RYR2: variants seen among roughly 807,000 people sequenced by gnomAD.
The protein encoded by RYR2 is cardiac muscle ryanodine receptor-calcium release channel.
Under a neutral mutation model 601.1 loss-of-function variants are expected in RYR2, and 227 were observed. The observed-to-expected ratio is 0.38, with a 90% CI of 0.34 to 0.42. The LOEUF (loss-of-function observed/expected upper bound fraction) is 0.42, where lower values mean the gene tolerates loss of function less well. Ranked by LOEUF, RYR2 falls within the 10% of genes least tolerant of loss-of-function variation. The pLI, the probability that RYR2 is intolerant of heterozygous loss-of-function variation, is 1.00. For synonymous variants in RYR2, 2,223 were observed against 2,175.1 expected, an observed-to-expected ratio of 1.02 and a Z score of -0.61; for missense variants, 4,646 against 6,156.5, an observed-to-expected ratio of 0.75 and a Z score of 8.21.
In RYR2 at chr1:237,590,769, G is replaced by A; in HGVS notation, c.3937G>A (p.Val1313Ile). 1 of 1,613,924 alleles carries A rather than the reference G, an allele frequency of 6.2e-7. No individual in the cohort carries two copies. Among genetic ancestry groups the A allele is most frequent in the Non-Finnish European group, 8.5e-7 (1 of 1,179,860 alleles). Residue 1313 changes from valine (V) to isoleucine (I), a missense_variant, in exon 31 of 105, where the codon GTC becomes ATC. Around this residue, in one of 17 missense-constraint regions of RYR2, gnomAD observed 1,807 missense variants for 2,088.1 expected, o/e 0.87. Coordinates refer to ENST00000366574, the MANE Select transcript of RYR2 (RefSeq NM_001035.3). ...GAGCATGCCGATCGAGTGCGCGGAGGTCTTCTCCAAGACGGTGGCTGGAGG... is the reference window on the plus strand; with the variant it reads ...GAGCATGCCGATCGAGTGCGCGGAGATCTTCTCCAAGACGGTGGCTGGAGG... ...RLSMPIECAE[V>I]FSKTVAGGLP...
chr1:237,261,675 C>A (rs1384499030), intron 1 of RYR2, among the ~76,000 whole-genome samples: 1 of 152,154 alleles, frequency 6.6e-6, no homozygotes, highest in Non-Finnish European at 1.5e-5. Context: ...GTGGGCAGAT[C>A]ACTTAAGCCC....
chr1:237,537,653 T>G (rs908120218), intron 25 of RYR2, among the ~76,000 whole-genome samples: 1 of 152,092 alleles, frequency 6.6e-6, no homozygotes, highest in African/African-American at 2.4e-5. Flanking sequence ...TGGCATACTA[T>G]AGAGCAGTTA....
At chr1:237,159,071 T>A (rs1487271213) in intron 1 of RYR2, among the ~76,000 whole-genome samples, 1 of 152,118 alleles carries the variant, frequency 6.6e-6, no homozygotes. Context: ...GGCGGGCGGA[T>A]CACCTGAGGT....
intron 24 of RYR2, among the ~76,000 whole-genome samples, chr1:237,530,089 A>G (rs1293960437): frequency 6.6e-6 from 1 of 152,132 alleles, no homozygotes; most frequent in African/African-American, 2.4e-5. Flanking sequence ...AGATGGGTGG[A>G]TCACGAGGTC....
intron 24 of RYR2, among the ~76,000 whole-genome samples, chr1:237,524,412 G>A (rs541959978): frequency 5.3e-5 from 8 of 152,264 alleles, no homozygotes; most frequent in South Asian, 2.1e-4. Context: ...AGTGAGAAAC[G>A]CCTGCAGCAG....
chr1:237,476,236 G>T (rs527360697), intron 17 of RYR2, among the ~76,000 whole-genome samples: 13 of 152,106 alleles, frequency 8.5e-5, no homozygotes, highest in Non-Finnish European at 1.6e-4. Context: ...GAGGCTGGTC[G>T]TGGTGGCTCA....
At chr1:237,820,779 A>G (rs1574086055) in intron 101 of RYR2, among the ~76,000 whole-genome samples, 2 of 152,142 alleles carry the variant, frequency 1.3e-5, no homozygotes, top group South Asian at 4.1e-4. Context: ...ACTGGCTTGA[A>G]ATTCTCGCTG....
At chr1:237,352,034 T>A (rs10802606) in intron 3 of RYR2, among the ~76,000 whole-genome samples, 13,323 of 151,668 alleles carry the variant, frequency 0.088, 914 homozygotes, top group African/African-American at 0.19. Flanking sequence ...CTTATTAAGA[T>A]AAAAAAATAT....
intron 63 of RYR2, among the ~76,000 whole-genome samples, chr1:237,694,868 A>G (rs542728243): frequency 2.6e-5 from 4 of 152,298 alleles, no homozygotes; most frequent in African/African-American, 9.6e-5. Flanking sequence ...ATTCCCTCAT[A>G]ATTGTGAGAG....
At chr1:237,663,814 T>A (rs1218687416) in intron 56 of RYR2, among the ~76,000 whole-genome samples, 1 of 152,232 alleles carries the variant, frequency 6.6e-6, no homozygotes, top group African/African-American at 2.4e-5. Context: ...ACATGAATCC[T>A]GATTTCAGGA....
At chr1:237,656,129 A>G (rs1176148720) in intron 53 of RYR2, 145 bp downstream of exon 53, 1 of 609,262 alleles carries the variant, frequency 1.6e-6, no homozygotes, top group Non-Finnish European at 2.8e-6. Context: ...TAATTTATAA[A>G]ACGATAGTAA....
chr1:237,284,342 T>C (rs569873909), intron 2 of RYR2, among the ~76,000 whole-genome samples: 1 of 147,766 alleles, frequency 6.8e-6, no homozygotes, highest in East Asian at 2.0e-4. Context: ...ATTGCGCCAC[T>C]GCACTCCTGC....
At chr1:237,508,835 C>T (rs1404551343) in intron 23 of RYR2, among the ~76,000 whole-genome samples, 4 of 145,282 alleles carry the variant, frequency 2.8e-5, no homozygotes, top group South Asian at 2.2e-4. Context: ...CTCCGCCTCC[C>T]GGGTTCACGC....
At chr1:237,520,628 C>A (rs1246261393) in intron 24 of RYR2, among the ~76,000 whole-genome samples, 1 of 152,138 alleles carries the variant, frequency 6.6e-6, no homozygotes, top group African/African-American at 2.4e-5. Flanking sequence ...AGATGTTGAA[C>A]CATCCTTGTG....
At chr1:237,815,491 T>C (rs956666416) in intron 100 of RYR2, among the ~76,000 whole-genome samples, 3 of 152,238 alleles carry the variant, frequency 2.0e-5, no homozygotes, top group Non-Finnish European at 4.4e-5. Flanking sequence ...CATTTTATTC[T>C]TTTTAAATTT....
intron 102 of RYR2, 162 bp from the exon 103 acceptor site, chr1:237,830,368 C>G: frequency 3.7e-6 from 2 of 540,116 alleles, no homozygotes; most frequent in South Asian, 4.4e-5. Context: ...ATAGTTACAG[C>G]GACAGTTCCA....
At chr1:237,617,573 C>A (rs1474896675) in intron 38 of RYR2, 87 bp downstream of exon 38, 1 of 1,226,506 alleles carries the variant, frequency 8.2e-7, no homozygotes, top group Non-Finnish European at 1.2e-6. Context: ...ATAACTCACA[C>A]GTCTTGTTTT....
At chr1:237,216,877 C>T (rs527904706) in intron 1 of RYR2, among the ~76,000 whole-genome samples, 1 of 143,786 alleles carries the variant, frequency 7.0e-6, no homozygotes, top group African/African-American at 2.7e-5. Flanking sequence ...GTAGCACATG[C>T]TGAATGAATA....
chr1:237,441,233 C>T (rs1707867352), intron 12 of RYR2, 86 bp from the exon 13 acceptor site: 4 of 1,438,534 alleles, frequency 2.8e-6, no homozygotes, highest in African/African-American at 2.8e-5. Context: ...TTTCAAGGAA[C>T]ATATTTGCAA....
Sources: gnomAD v4.1 joint callset for allele counts (sites outside exome capture counted in the v4.1 genomes callset) on GRCh38, gnomAD v4.1.1 for gene constraint, gnomAD v4.1.1 regional missense constraint, MANE v1.5 for transcripts, NCBI Gene and HGNC (gene_info 2026-07-23, HGNC 2026-07-21) for gene names.